CADPS: variants seen among roughly 807,000 people sequenced by gnomAD.
CADPS encodes calcium dependent secretion activator.
CADPS carries 57 observed loss-of-function variants against 167.3 expected under a neutral mutation model. The observed-to-expected ratio is 0.34, with a 90% CI of 0.28 to 0.42. CADPS has a LOEUF of 0.42. CADPS is among the 20% of genes least tolerant of loss of function. The pLI is 1.00. For missense variants in CADPS, 1,414 were observed against 1,738.1 expected (o/e 0.81, Z 3.32); for synonymous variants, 676 against 635.3 (o/e 1.06, Z -0.96).
intron 28 of CADPS, among the ~76,000 whole-genome samples, chr3:62,422,400 T>C (rs995366533): frequency 1.3e-5 from 2 of 152,224 alleles, no homozygotes; most frequent in South Asian, 4.1e-4. Context: ...AAGAGTTGGC[T>C]AACAGCTGAC....
chr3:62,580,752 G>A (rs1352210170), intron 8 of CADPS, among the ~76,000 whole-genome samples: 2 of 152,158 alleles, frequency 1.3e-5, no homozygotes, highest in African/African-American at 4.8e-5. Flanking sequence ...GAGAATGTGT[G>A]CCTTGCTTAA....
chr3:62,774,587 T>A (rs897437749), intron 1 of CADPS, among the ~76,000 whole-genome samples: 2 of 152,226 alleles, frequency 1.3e-5, no homozygotes, highest in South Asian at 2.1e-4. Flanking sequence ...AACTGAGGAG[T>A]TTAAAATATT....
intron 28 of CADPS, among the ~76,000 whole-genome samples, chr3:62,418,487 ATTTTTTTT>A (rs5849477): frequency 1.1e-4 from 10 of 88,864 alleles, no homozygotes; most frequent in East Asian, 3.2e-4. Flanking sequence ...ACCATGCCCT[ATTTTTTTT>A]TTTTTTTTTT....
chr3:62,408,780 A>C (rs968236799), intron 28 of CADPS, among the ~76,000 whole-genome samples: 4 of 152,210 alleles, frequency 2.6e-5, no homozygotes, highest in African/African-American at 9.6e-5. Flanking sequence ...TGGCAGTGGA[A>C]ACAAGGAGTA....
chr3:62,487,991 C>T (rs995584058), intron 21 of CADPS, among the ~76,000 whole-genome samples: 10 of 152,048 alleles, frequency 6.6e-5, no homozygotes, highest in East Asian at 1.9e-4. Context: ...TTACTTATAA[C>T]GAGGTGCTTA....
intron 10 of CADPS, among the ~76,000 whole-genome samples, chr3:62,551,597 C>T (rs961457235): frequency 5.3e-5 from 8 of 152,190 alleles, no homozygotes; most frequent in Non-Finnish European, 1.0e-4. Flanking sequence ...AGAGGAAAAG[C>T]GTTGGTTCTG....
intron 3 of CADPS, among the ~76,000 whole-genome samples, chr3:62,688,581 C>T (rs535746006): frequency 6.6e-6 from 1 of 152,182 alleles, no homozygotes; most frequent in African/African-American, 2.4e-5. Context: ...ATCTGCTCTG[C>T]CAGTTGCCAA....
At chr3:62,595,627 T>C (rs1309356252) in intron 6 of CADPS, among the ~76,000 whole-genome samples, 3 of 152,218 alleles carry the variant, frequency 2.0e-5, no homozygotes, top group African/African-American at 4.8e-5. Flanking sequence ...TTATTGCTTA[T>C]CTATTTATAT....
At chr3:62,559,463 T>A (rs1431722533) in intron 9 of CADPS, among the ~76,000 whole-genome samples, 1 of 152,042 alleles carries the variant, frequency 6.6e-6, no homozygotes, top group Admixed American at 6.6e-5. Context: ...TGCATGACAA[T>A]GATCATAGAT....
intron 13 of CADPS, among the ~76,000 whole-genome samples, chr3:62,526,334 C>T (rs767111091): frequency 1.7e-4 from 26 of 152,072 alleles, no homozygotes; most frequent in Admixed American, 7.9e-4. Flanking sequence ...TGGATTGCGG[C>T]GGTTGGCATT....
chr3:62,603,733 C>A (rs531613270), intron 6 of CADPS, among the ~76,000 whole-genome samples: 6 of 152,120 alleles, frequency 3.9e-5, no homozygotes, highest in Non-Finnish European at 8.8e-5. Context: ...CATTAGAACT[C>A]TAAGCATATT....
At chr3:62,518,633 T>C (rs546944006) in intron 13 of CADPS, among the ~76,000 whole-genome samples, 2 of 152,294 alleles carry the variant, frequency 1.3e-5, no homozygotes, top group East Asian at 3.9e-4. Flanking sequence ...TCTTGAAAAT[T>C]TGGAACAGTT....
chr3:62,770,737 T>C (rs139261194), intron 1 of CADPS, among the ~76,000 whole-genome samples: 2 of 152,328 alleles, frequency 1.3e-5, no homozygotes, highest in East Asian at 1.9e-4. Context: ...GTATAAGAGA[T>C]TCTCACAAAC....
intron 3 of CADPS, among the ~76,000 whole-genome samples, chr3:62,731,426 T>C (rs1038538662): frequency 6.6e-6 from 1 of 152,114 alleles, no homozygotes; most frequent in Non-Finnish European, 1.5e-5. Context: ...AAATCTCAAA[T>C]TCAGTATCAT....
chr3:62,864,141 G>A (rs942561151), intron 1 of CADPS, among the ~76,000 whole-genome samples: 12 of 152,294 alleles, frequency 7.9e-5, no homozygotes, highest in African/African-American at 2.9e-4. Context: ...AGAAGGTAAT[G>A]AGTTGATTTA....
At chr3:62,871,374 G>T (rs192551044) in intron 1 of CADPS, among the ~76,000 whole-genome samples, 1 of 152,070 alleles carries the variant, frequency 6.6e-6, no homozygotes, top group African/African-American at 2.4e-5. Flanking sequence ...CATCCACTTT[G>T]CCCATAGTGA....
rs191199746 is a variant in CADPS at position 62,746,510 on chromosome 3, A to T, written c.888+6931T>A. Among the ~76,000 whole-genome samples the T allele has an allele frequency of 1.4e-3, 212 of 152,060 alleles. 1 individual carries two copies. Among genetic ancestry groups the T allele is most frequent in the African/African-American group, 4.7e-3 (196 of 41,478 alleles). ...TGCCACCATGCCTGGCTAATTTTTT[A>T]AATGTTTTGTAGAGATAGAGTCTCC... On this transcript the variant is annotated intron_variant, in intron 3 of 29. Transcript: ENST00000383710.
At chr3:62,820,352 C>G (rs931769106) in intron 1 of CADPS, among the ~76,000 whole-genome samples, 13 of 152,286 alleles carry the variant, frequency 8.5e-5, no homozygotes, top group Non-Finnish European at 1.8e-4. Flanking sequence ...CAGACATTCA[C>G]AACACCCTCC....
intron 26 of CADPS, among the ~76,000 whole-genome samples, chr3:62,453,678 C>T (rs1437795021): frequency 6.6e-6 from 1 of 152,222 alleles, no homozygotes; most frequent in African/African-American, 2.4e-5. Flanking sequence ...TCAGTGGCTT[C>T]TGCCTGGGGC....
Sources: gnomAD v4.1 joint callset for allele counts (sites outside exome capture counted in the v4.1 genomes callset) on GRCh38, gnomAD v4.1.1 for gene constraint, MANE v1.5 for transcripts, NCBI Gene and HGNC (gene_info 2026-07-23, HGNC 2026-07-21) for gene names.